BRAF: variants seen among roughly 807,000 people sequenced by gnomAD.
BRAF encodes the protein B-Raf proto-oncogene, serine/threonine kinase.
Under a neutral mutation model 104.6 loss-of-function variants are expected in BRAF, and 16 were observed. The observed-to-expected ratio is 0.15, with a 90% confidence interval of 0.10 to 0.23. The LOEUF is 0.23. Ranked by LOEUF, BRAF falls within the 10% of genes least tolerant of loss-of-function variation. BRAF has a pLI of 1.00. For missense variants in BRAF, 541 were observed against 937.3 expected (o/e 0.58, Z 5.52); for synonymous variants, 310 against 341.6 (o/e 0.91, Z 1.02).
chr7:140,750,112 AG>A, intron 16 of BRAF, among the ~76,000 whole-genome samples: 1 of 152,340 alleles, frequency 6.6e-6, no homozygotes, highest in Middle Eastern at 3.4e-3. Flanking sequence ...TTGCACAATT[AG>A]GTTTCTTATT....
chr7:140,723,151 C>T lies in BRAF; in HGVS notation c.*3343G>A, dbSNP rs1795400336. The T allele has an allele frequency of 9.5e-7, 1 of 1,052,396 alleles. No homozygotes were observed. Among genetic ancestry groups the T allele is most frequent in the African/African-American group, 1.7e-5 (1 of 60,260 alleles). The allele number at this position is 1,052,396 out of a possible 1,614,324, so 65.2% of individuals were successfully genotyped here. ...TAAAGCTAGAGATGAGGTTTGCAAGCAGCTGGCGGGTGGATGTACAGTGGG... is the reference window on the plus strand; with the variant it reads ...TAAAGCTAGAGATGAGGTTTGCAAGTAGCTGGCGGGTGGATGTACAGTGGG... On this transcript the variant is annotated 3_prime_UTR_variant, in exon 20 of 20. Transcript: ENST00000644969.
intron 3 of BRAF, among the ~76,000 whole-genome samples, chr7:140,810,427 G>A (rs913298699): frequency 2.6e-5 from 4 of 152,178 alleles, no homozygotes; most frequent in Admixed American, 1.3e-4. Flanking sequence ...AAAAGTAGCC[G>A]GGCAGAGCGG....
chr7:140,725,724 T>A lies in BRAF; in HGVS notation c.*770A>T. 9.4e-7 allele frequency: 1 copy of A among 1,058,582 alleles called. No homozygotes were observed. Among genetic ancestry groups the A allele is most frequent in the Non-Finnish European group, 1.1e-6 (1 of 875,452 alleles). The allele number at this position is 1,058,582 out of a possible 1,614,324, so 65.6% of individuals were successfully genotyped here. ...GAAAAAAAAAAAACCCAAACACTTA[T>A]CTTCATTGCTGGACCCAATGAGAAA... On this transcript the variant is annotated 3_prime_UTR_variant, in exon 20 of 20. Transcript: ENST00000644969.
chr7:140,760,563 A>G (rs1023780324), intron 14 of BRAF, among the ~76,000 whole-genome samples: 2 of 152,118 alleles, frequency 1.3e-5, no homozygotes, highest in East Asian at 3.8e-4. Flanking sequence ...TCGAAGGAAG[A>G]AGAGGAATGA....
At position 140,893,168 on chromosome 7, in the gene BRAF, G is replaced by C. The variant is rs536965468; in HGVS notation, c.138+31398C>G. ...CAGGGTAGAGAACACAACAGATTTGGTGAACGAGCTTTCTGAGACAAGATG... is the reference window on the plus strand; with the variant it reads ...CAGGGTAGAGAACACAACAGATTTGCTGAACGAGCTTTCTGAGACAAGATG... On this transcript the variant is annotated intron_variant, in intron 1 of 19. Transcript: ENST00000644969. Among the ~76,000 whole-genome samples the C allele has an allele frequency of 5.3e-5, 8 of 152,184 alleles. No individual in the cohort carries two copies. The East Asian group carries it at 1.5e-3, about 29-fold the overall frequency.
At chr7:140,853,197 G>A (rs1202548637) in intron 1 of BRAF, among the ~76,000 whole-genome samples, 1 of 150,028 alleles carries the variant, frequency 6.7e-6, no homozygotes, top group Non-Finnish European at 1.5e-5. Context: ...TCGCAACATA[G>A]TAGGACCCTG....
At chr7:140,784,109 AGAACAACAAAAT>A (rs1015089452) in intron 10 of BRAF, among the ~76,000 whole-genome samples, 1 of 152,184 alleles carries the variant, frequency 6.6e-6, no homozygotes, top group Non-Finnish European at 1.5e-5. Context: ...TTCTATATAC[AGAACAACAAAAT>A]GACCTCAAGA....
intron 7 of BRAF, chr7:140,799,764 C>A (rs918860646): frequency 8.4e-6 from 2 of 236,698 alleles, no homozygotes; most frequent in Non-Finnish European, 1.7e-5. Flanking sequence ...TCAATATACT[C>A]CATCATAAAT....
chr7:140,879,695 G>A (rs1256901015), intron 1 of BRAF, among the ~76,000 whole-genome samples: 1 of 151,502 alleles, frequency 6.6e-6, no homozygotes, highest in Non-Finnish European at 1.5e-5. Flanking sequence ...GATCAAGTCA[G>A]TGGTTGCTAA....
intron 1 of BRAF, among the ~76,000 whole-genome samples, chr7:140,905,786 T>C (rs543481146): frequency 1.6e-4 from 24 of 152,270 alleles, no homozygotes; most frequent in Middle Eastern, 3.4e-3. Flanking sequence ...TTTTAGAAGA[T>C]AACTTAGAAA....
intron 19 of BRAF, among the ~76,000 whole-genome samples, chr7:140,728,951 C>A (rs1033720357): frequency 6.0e-5 from 9 of 151,254 alleles, no homozygotes; most frequent in South Asian, 2.1e-4. Context: ...TAAGGTTGGG[C>A]ACAGTGGTTC....
chr7:140,846,649 CTTAAAAATGG>C (rs976400653), intron 2 of BRAF, among the ~76,000 whole-genome samples: 1 of 151,746 alleles, frequency 6.6e-6, no homozygotes, highest in African/African-American at 2.4e-5. Flanking sequence ...GAACCATATA[CTTAAAAATGG>C]TTAAAATGGT....
intron 2 of BRAF, among the ~76,000 whole-genome samples, chr7:140,840,200 A>T (rs1001205099): frequency 6.6e-6 from 1 of 152,048 alleles, no homozygotes; most frequent in African/African-American, 2.4e-5. Flanking sequence ...AAGCAACTAA[A>T]CCTGTTTTGG....
At chr7:140,845,441 C>A (rs2129070226) in intron 2 of BRAF, among the ~76,000 whole-genome samples, 1 of 152,134 alleles carries the variant, frequency 6.6e-6, no homozygotes, top group South Asian at 2.1e-4. Context: ...AATTAAATAT[C>A]CAATAAGAAC....
intron 3 of BRAF, among the ~76,000 whole-genome samples, chr7:140,814,782 T>TTATATATAACATATATATAA (rs1804669143): frequency 7.0e-6 from 1 of 143,058 alleles, no homozygotes; most frequent in African/African-American, 2.5e-5. Context: ...AACATATATA[T>TTATATATAACATATATATAA]TATATATAAC....
chr7:140,857,040 C>G lies in BRAF; in HGVS notation c.139-6828G>C, dbSNP rs552423692. Among the ~76,000 whole-genome samples, 16 of 152,146 alleles carry G rather than the reference C, an allele frequency of 1.1e-4. No homozygotes were observed. In the South Asian group the frequency reaches 1.5e-3, roughly 14 times the overall value. ...AACATATACCAAGACCCAGAAGAAC[C>G]TGTAAATGTTATCCTATGTGGCAAA... is the stretch of plus-strand genomic sequence containing the variant. On this transcript the variant is annotated intron_variant, in intron 1 of 19. Coordinates refer to ENST00000644969, the MANE Select transcript of BRAF (RefSeq NM_001374258.1).
At chr7:140,896,840 G>C (rs1214676218) in intron 1 of BRAF, among the ~76,000 whole-genome samples, 1 of 140,524 alleles carries the variant, frequency 7.1e-6, no homozygotes, top group East Asian at 2.1e-4. Context: ...CTCCAGCCTG[G>C]GTGACAGAGC....
chr7:140,886,854 T>A (rs1471089119), intron 1 of BRAF, among the ~76,000 whole-genome samples: 1 of 152,224 alleles, frequency 6.6e-6, no homozygotes, highest in Non-Finnish European at 1.5e-5. Context: ...AGTAATTTTT[T>A]AATGTAGTTT....
At chr7:140,903,430 G>A (rs1478090713) in intron 1 of BRAF, among the ~76,000 whole-genome samples, 1 of 152,146 alleles carries the variant, frequency 6.6e-6, no homozygotes, top group Non-Finnish European at 1.5e-5. Context: ...CCACTGTTGA[G>A]ACCCACCGCT....
Sources: gnomAD v4.1 joint callset for allele counts (sites outside exome capture counted in the v4.1 genomes callset) on GRCh38, gnomAD v4.1.1 for gene constraint, MANE v1.5 for transcripts, NCBI Gene and HGNC (gene_info 2026-07-23, HGNC 2026-07-21) for gene names.